TMEM182: variants seen among roughly 807,000 people sequenced by gnomAD.
The protein encoded by TMEM182 is transmembrane protein 182.
Under a neutral mutation model 26.8 loss-of-function variants are expected in TMEM182, and 20 were observed. The ratio of observed to expected loss-of-function variants is 0.75; its 90% CI spans 0.53 to 1.09. The LOEUF (loss-of-function observed/expected upper bound fraction) is 1.09, where lower values mean the gene tolerates loss of function less well. Among genes scored for constraint, TMEM182 ranks in the 50% least tolerant of loss-of-function variants. The probability of loss-of-function intolerance (pLI) is 0.00; values close to 1 mark genes in which losing one functional copy is unlikely to be tolerated. For missense variants in TMEM182, 277 were observed against 275.5 expected, an observed-to-expected ratio of 1.01 and a Z score of -0.04; for synonymous variants, 109 against 102.2, an observed-to-expected ratio of 1.07 and a Z score of -0.40.
Position 102,815,259 on chromosome 2 carries a change from T to C in TMEM182, c.*291T>C. The stretch of plus-strand genomic sequence containing the variant: ...AGAGTTCATGCAGGTCGCAAAGGCC[T>C]GATAATAGCTTAATACCATGACATG... On this transcript the variant is annotated 3_prime_UTR_variant, in exon 5 of 5. Transcript: ENST00000412401. 3 of 1,124,798 alleles carry C rather than the reference T, an allele frequency of 2.7e-6. No individual in the cohort carries two copies. The highest frequency in any genetic ancestry group is 3.3e-6 in the Non-Finnish European group (3 of 918,236). 69.7% of individuals were successfully genotyped at this position (1,124,798 alleles called of 1,614,324 possible).
At chr2:102,767,906 C>T (rs1233595676) in intron 3 of TMEM182, among the ~76,000 whole-genome samples, 2 of 152,056 alleles carry the variant, frequency 1.3e-5, no homozygotes, top group Admixed American at 6.6e-5. Context: ...TAAGGTCCTC[C>T]ATCTCAGTAT....
At position 102,816,510 on chromosome 2, in the gene TMEM182, CAATAATAAT is replaced by C. The variant is rs58667727; in HGVS notation, c.*1572_*1580del. The C allele has an allele frequency of 1.0e-4, 97 of 926,180 alleles. No homozygotes were observed. Among genetic ancestry groups the C allele is most frequent in the Admixed American group, 2.6e-4 (4 of 15,152 alleles). The allele number at this position is 926,180 out of a possible 1,614,324, so 57.4% of individuals were successfully genotyped here. ...AGGGCATTTTCATGACAGGACTTGCCAATAATAATAATAATAATAATAATAATAATAATA... is the reference window on the plus strand; with the variant it reads ...AGGGCATTTTCATGACAGGACTTGCCAATAATAATAATAATAATAATAATA... On this transcript the variant is annotated 3_prime_UTR_variant, in exon 5 of 5. Coordinates refer to ENST00000412401, the MANE Select transcript of TMEM182 (RefSeq NM_144632.5).
In TMEM182 at chr2:102,816,749, AG is replaced by A; in HGVS notation, c.*1782del. The A allele has an allele frequency of 8.1e-6, 8 of 985,788 alleles. No homozygotes were observed. The highest frequency in any genetic ancestry group is 9.6e-6 in the Non-Finnish European group (8 of 829,920). 61.1% of individuals were successfully genotyped at this position (985,788 alleles called of 1,614,324 possible). On this transcript the variant is annotated 3_prime_UTR_variant, in exon 5 of 5. Coordinates refer to ENST00000412401, the MANE Select transcript of TMEM182 (RefSeq NM_144632.5). Reference sequence around the variant, plus strand: ...GATATTAAGTTATGGCATGCCATTAAGTTTTCCAGACGATGTTGGATGTATC... The same window carrying A: ...GATATTAAGTTATGGCATGCCATTAATTTTCCAGACGATGTTGGATGTATC...
chr2:102,829,312 T>C (rs1191748038), intron 3 of TMEM182, among the ~76,000 whole-genome samples: 5 of 152,190 alleles, frequency 3.3e-5, no homozygotes, highest in Admixed American at 2.0e-4. Flanking sequence ...AGGATCCATA[T>C]GCTAACTGCA....
rs982418427 is a variant in TMEM182, at chr2:102,751,450, A to T, written c.-82-6939A>T. Among the ~76,000 whole-genome samples the T allele has an allele frequency of 3.5e-4, 54 of 152,262 alleles. 2 individuals are homozygous for T. The highest frequency in any genetic ancestry group is 1.8e-4 in the Non-Finnish European group (12 of 68,024). ...AAGGAAAGATGGAGCCGCCATTTTGAACATGCATAGTCCTAGGTGGCCCTT... is the reference window on the plus strand; with the variant it reads ...AAGGAAAGATGGAGCCGCCATTTTGTACATGCATAGTCCTAGGTGGCCCTT... On this transcript the variant is annotated intron_variant, in intron 1 of 5. Coordinates refer to the TMEM182 transcript ENST00000409173.
intron 3 of TMEM182, among the ~76,000 whole-genome samples, chr2:102,778,635 G>T (rs1315954578): frequency 6.6e-6 from 1 of 151,934 alleles, no homozygotes; most frequent in Non-Finnish European, 1.5e-5. Context: ...TTTATCTATA[G>T]TGGTCTTGAG....
chr2:102,758,827 A>G (rs929257077), upstream of TMEM182, among the ~76,000 whole-genome samples: 7 of 152,226 alleles, frequency 4.6e-5, no homozygotes, highest in Non-Finnish European at 1.0e-4. Context: ...ATAGATGAAC[A>G]CATATGAAAG....
At chr2:102,744,275 T>C (rs1218064676) in intron 1 of TMEM182, among the ~76,000 whole-genome samples, 1 of 152,102 alleles carries the variant, frequency 6.6e-6, no homozygotes, top group African/African-American at 2.4e-5. Context: ...CTCAAATATC[T>C]GGATATTAAA....
At chr2:102,820,232 C>T (rs917789878), downstream of TMEM182, among the ~76,000 whole-genome samples, 2 of 152,204 alleles carry the variant, frequency 1.3e-5, no homozygotes, top group Admixed American at 6.5e-5. Flanking sequence ...TGATTTTAAA[C>T]TTGCAATTTG....
intron 4 of TMEM182, among the ~76,000 whole-genome samples, chr2:102,806,659 T>A (rs917554082): frequency 2.6e-5 from 4 of 151,848 alleles, no homozygotes; most frequent in Non-Finnish European, 5.9e-5. Flanking sequence ...GTGCCAAAGC[T>A]TAATAATAAT....
At chr2:102,778,878 G>A (rs1314825166) in intron 3 of TMEM182, among the ~76,000 whole-genome samples, 1 of 152,064 alleles carries the variant, frequency 6.6e-6, no homozygotes, top group African/African-American at 2.4e-5. Context: ...ACATTGTTTA[G>A]AAAACTTAGG....
intron 3 of TMEM182, among the ~76,000 whole-genome samples, chr2:102,771,355 C>T (rs1406219525): frequency 2.0e-5 from 3 of 152,112 alleles, no homozygotes; most frequent in Admixed American, 2.0e-4. Flanking sequence ...CATCTGGGAC[C>T]CCAGCCCAGG....
chr2:102,772,636 G>C (rs1024967495), intron 3 of TMEM182, among the ~76,000 whole-genome samples: 1 of 152,078 alleles, frequency 6.6e-6, no homozygotes, highest in South Asian at 2.1e-4. Flanking sequence ...CTGGGCTTCC[G>C]GTCTGCCTTC....
At chr2:102,786,208 C>CTT (rs1204344523) in intron 3 of TMEM182, among the ~76,000 whole-genome samples, 8 of 98,462 alleles carry the variant, frequency 8.1e-5, no homozygotes, top group East Asian at 2.9e-4. Flanking sequence ...ACTCAGCAAT[C>CTT]TGTTTTTTTT....
Position 102,817,214 on chromosome 2 carries a change from G to A in TMEM182, c.*2246G>A. On this transcript the variant is annotated 3_prime_UTR_variant, in exon 5 of 5. Coordinates refer to ENST00000412401, the MANE Select transcript of TMEM182 (RefSeq NM_144632.5). ...CCTTATATCTGATTTGAGATACTGTGTTGCCAAATGTCCATGTTATGTTTA... is the reference window on the plus strand; with the variant it reads ...CCTTATATCTGATTTGAGATACTGTATTGCCAAATGTCCATGTTATGTTTA... 1.0e-6 allele frequency: 1 copy of A among 985,332 alleles called. No individual in the cohort carries two copies. The highest frequency in any genetic ancestry group is 1.2e-6 in the Non-Finnish European group (1 of 829,888). The allele number at this position is 985,332 out of a possible 1,614,324, so 61.0% of individuals were successfully genotyped here. A position where few individuals can be genotyped will look rare whatever the true frequency, so the allele number is the denominator to read the frequency against.
At chr2:102,814,370 C>T (rs908443821) in intron 4 of TMEM182, among the ~76,000 whole-genome samples, 3 of 151,640 alleles carry the variant, frequency 2.0e-5, no homozygotes, top group African/African-American at 7.3e-5. Context: ...AAAGAAATAA[C>T]ATAGTATAGT....
In TMEM182 at chr2:102,764,386, T is replaced by C; in HGVS notation, c.290T>C (p.Met97Thr). The C allele has an allele frequency of 2.5e-6, 4 of 1,613,986 alleles. No homozygotes were observed. Among genetic ancestry groups the C allele is most frequent in the Non-Finnish European group, 3.4e-6 (4 of 1,179,892 alleles). ...THAYLSPYPF[M>T]RGEHNSTSYD... ...GCTTACCTGTCTCCGTACCCCTTCATGAGAGGCGAGCACAACTCGACCTCC... is the reference window on the plus strand; with the variant it reads ...GCTTACCTGTCTCCGTACCCCTTCACGAGAGGCGAGCACAACTCGACCTCC... Residue 97 changes from methionine to threonine, a missense_variant, in exon 3 of 5, where the codon ATG (methionine) becomes ACG (threonine). By Grantham distance (81) the Met-to-Thr change is moderately conservative. Coordinates refer to ENST00000412401, the MANE Select transcript of TMEM182 (RefSeq NM_144632.5).
chr2:102,802,111 C>A (rs1682166173), intron 4 of TMEM182, among the ~76,000 whole-genome samples: 1 of 152,130 alleles, frequency 6.6e-6, no homozygotes, highest in Admixed American at 6.5e-5. Flanking sequence ...TTTATCGATG[C>A]CACAAACAGA....
intron 1 of TMEM182, among the ~76,000 whole-genome samples, chr2:102,738,580 G>A (rs148811080): frequency 0.017 from 2,516 of 152,194 alleles, 64 homozygotes; most frequent in African/African-American, 0.058. Flanking sequence ...AACAGAGGGA[G>A]ACTCTGTGTA....
Sources: gnomAD v4.1 joint callset for allele counts (sites outside exome capture counted in the v4.1 genomes callset) on GRCh38, gnomAD v4.1.1 for gene constraint, MANE v1.5 for transcripts, NCBI Gene and HGNC (gene_info 2026-07-23, HGNC 2026-07-21) for gene names.